The following FUS variants were observed in gnomAD, a reference collection of about 807,000 sequenced individuals.
FUS encodes the protein RNA-binding protein FUS.
Under a neutral mutation model 82.7 loss-of-function variants are expected in FUS, and 5 were observed. The observed-to-expected ratio is 0.06, with a 90% CI of 0.03 to 0.13. FUS has a LOEUF of 0.13. FUS is among the 10% of genes least tolerant of loss of function. FUS has a pLI of 1.00. For missense variants in FUS, 512 were observed against 707.8 expected (o/e 0.72, Z 3.14); for synonymous variants, 281 against 247.4 (o/e 1.14, Z -1.27).
chr16:31,193,773 C>T (rs1010238994), downstream of FUS: 1 of 529,114 alleles, frequency 1.9e-6, no homozygotes, highest in Non-Finnish European at 3.7e-6. Flanking sequence ...GCTGGGACTA[C>T]AGGTGCTTCC....
chr16:31,186,165 G>A, intron 6 of FUS: 1 of 241,488 alleles, frequency 4.1e-6, no homozygotes, highest in Non-Finnish European at 8.2e-6. Flanking sequence ...AACTTGCTCT[G>A]CATTTTATGT....
downstream of FUS, chr16:31,192,667 TCTC>T: frequency 2.1e-6 from 1 of 482,600 alleles, no homozygotes; most frequent in Non-Finnish European, 4.1e-6. Context: ...TTTAAGCGAT[TCTC>T]CTGCCTCAGG....
At chr16:31,193,876 G>A, downstream of FUS, 1 of 527,422 alleles carries the variant, frequency 1.9e-6, no homozygotes, top group South Asian at 1.5e-5. Flanking sequence ...TCTTGAACTG[G>A]CCTCAAGTGA....
chr16:31,193,738 A>G (rs775594321), downstream of FUS: 13 of 530,676 alleles, frequency 2.4e-5, no homozygotes, highest in East Asian at 1.2e-4. Context: ...TCTCAAGCCA[A>G]CCTCCCACCT....
At chr16:31,184,652 C>T (rs1263305550) in intron 5 of FUS, among the ~76,000 whole-genome samples, 1 of 151,982 alleles carries the variant, frequency 6.6e-6, no homozygotes, top group African/African-American at 2.4e-5. Context: ...ACCATGTTAG[C>T]CAGGATGGTT....
chr16:31,193,273 CAGT>C, downstream of FUS: 1 of 511,008 alleles, frequency 2.0e-6, no homozygotes, highest in Non-Finnish European at 3.8e-6. Context: ...CTCTAAGCAA[CAGT>C]AGGCGGAGAG....
chr16:31,189,865 G>A (rs917724283), intron 10 of FUS, 71 bp downstream of exon 10: 1 of 1,611,582 alleles, frequency 6.2e-7, no homozygotes, highest in African/African-American at 1.3e-5. Flanking sequence ...ACAAGCCATA[G>A]TTTGAGGGTT....
chr16:31,194,426 C>T (rs73530301), downstream of FUS: 2,337 of 506,872 alleles, frequency 4.6e-3, 50 homozygotes, highest in African/African-American at 0.04. Flanking sequence ...GTAGCTGGGA[C>T]GGGACTACAG....
intron 3 of FUS, 21 bp downstream of exon 3, chr16:31,182,685 C>A: frequency 1.2e-6 from 2 of 1,614,010 alleles, no homozygotes; most frequent in South Asian, 2.2e-5. Context: ...CTCAGCGGGT[C>A]ACCTCTTCCT....
chr16:31,184,626 G>A (rs932607895), intron 5 of FUS, among the ~76,000 whole-genome samples: 1 of 151,792 alleles, frequency 6.6e-6, no homozygotes, highest in African/African-American at 2.4e-5. Context: ...TGTATTTTTA[G>A]TAGAGACGGG....
chr16:31,182,489 C>G (rs373272889), intron 2 of FUS, 24 bp from the exon 3 acceptor site: 8 of 1,614,062 alleles, frequency 5.0e-6, no homozygotes, highest in East Asian at 4.5e-5. Flanking sequence ...GTTTTCTGAT[C>G]ACGCTGGTTT....
rs1211528834 is a variant in FUS, at chr16:31,180,211, G to A, written c.-4G>A. ...CTTGCTTGCCTGTGCGCGCGTGCGC[G>A]GACATGGCCTCAAACGGTAGGTAAG... On this transcript the variant is annotated 5_prime_UTR_variant, in exon 1 of 15. Coordinates refer to ENST00000254108, the MANE Select transcript of FUS (RefSeq NM_004960.4). 1.9e-6 allele frequency: 3 copies of A among 1,611,216 alleles called. No individual in the cohort carries two copies. Among genetic ancestry groups the A allele is most frequent in the Non-Finnish European group, 2.5e-6 (3 of 1,178,754 alleles).
chr16:31,194,710 C>G (rs1359980093), downstream of FUS: 4 of 486,222 alleles, frequency 8.2e-6, no homozygotes, highest in Non-Finnish European at 1.6e-5. Context: ...ATATCCATCA[C>G]TTCATATCAT....
rs760351730 is a variant in FUS, at chr16:31,185,158, G to A, written c.743G>A (p.Arg248His). 4 of 1,610,376 alleles carry A rather than the reference G, an allele frequency of 2.5e-6. No individual in the cohort carries two copies. Among genetic ancestry groups the A allele is most frequent in the Non-Finnish European group, 3.4e-6 (4 of 1,178,164 alleles). Residue 248 changes from arginine to histidine, a missense_variant, in exon 6 of 15, where the codon CGT (arginine) becomes CAT (histidine). Physicochemically the swap from Arg to His is conservative, Grantham distance 29. Transcript: ENST00000254108. ...GYEPRGRGGG[R>H]GGRGGMGGSD... The stretch of plus-strand genomic sequence containing the variant: ...GAACCCAGAGGTCGTGGAGGTGGCC[G>A]TGGAGGCAGAGGTGGCATGGGGTAG...
At position 31,182,380 on chromosome 16, in the gene FUS, T is replaced by C. The variant is rs1011664749; in HGVS notation, c.14-18T>C. 8 of 1,614,022 alleles carry C rather than the reference T, an allele frequency of 5.0e-6. No individual in the cohort carries two copies. The highest frequency in any genetic ancestry group is 5.9e-6 in the Non-Finnish European group (7 of 1,179,864). ...GAGTGGCAGCTGAAGATAATGTGATTGTATTTTTCTTTTGCAGATTATACC... is the reference window on the plus strand; with the variant it reads ...GAGTGGCAGCTGAAGATAATGTGATCGTATTTTTCTTTTGCAGATTATACC... On this transcript the variant is annotated intron_variant, in intron 1 of 14. Transcript: ENST00000254108.
chr16:31,191,742 C>T (rs972386021), downstream of FUS: 2 of 637,828 alleles, frequency 3.1e-6, no homozygotes, highest in Non-Finnish European at 5.8e-6. Flanking sequence ...AAATGATATC[C>T]TTGAGAGCAG....
Position 31,185,577 on chromosome 16 carries a change from C to T in FUS, c.764+398C>T, listed in dbSNP as rs1364975604. On this transcript the variant is annotated intron_variant, in intron 6 of 14. Transcript: ENST00000254108. ...ACTTGGTATGTGTATTCCCATGTGT[C>T]CTCTAGGGAGTTGGTAATGGTTAAC... 5 of 532,174 alleles carry T rather than the reference C, an allele frequency of 9.4e-6. No homozygotes were observed. The East Asian group carries it at 1.7e-4, about 18-fold the overall frequency. 33.0% of individuals were successfully genotyped at this position (532,174 alleles called of 1,614,324 possible). A position where few individuals can be genotyped will look rare whatever the true frequency, so the allele number is the denominator to read the frequency against.
chr16:31,186,304 T>A, intron 6 of FUS: 1 of 304,262 alleles, frequency 3.3e-6, no homozygotes, highest in Non-Finnish European at 6.2e-6. Context: ...AAGTTTGTCT[T>A]GCTTTAAGGG....
chr16:31,185,469 A>G, intron 6 of FUS: 2 of 641,360 alleles, frequency 3.1e-6, no homozygotes, highest in South Asian at 1.5e-5. Context: ...AGTCATTAAT[A>G]TCCTAGGCAA....
Sources: gnomAD v4.1 joint callset for allele counts (sites outside exome capture counted in the v4.1 genomes callset) on GRCh38, gnomAD v4.1.1 for gene constraint, MANE v1.5 for transcripts, NCBI Gene and HGNC (gene_info 2026-07-23, HGNC 2026-07-21) for gene names.